The following ADAMTS18 variants were observed in gnomAD, a reference collection of about 807,000 sequenced individuals.
The protein encoded by ADAMTS18 is A disintegrin and metalloproteinase with thrombospondin motifs 18.
Under a neutral mutation model 165.9 loss-of-function variants are expected in ADAMTS18, and 157 were observed. The ratio of observed to expected loss-of-function variants is 0.95; its 90% CI spans 0.83 to 1.08. The LOEUF (loss-of-function observed/expected upper bound fraction) is 1.08. Among genes scored for constraint, ADAMTS18 ranks in the 50% least tolerant of loss-of-function variants. The pLI is 0.00. For synonymous variants in ADAMTS18, 782 were observed against 578.2 expected (o/e 1.35, Z -5.06); for missense variants, 2,040 against 1,534.0 (o/e 1.33, Z -5.51).
chr16:77,315,287 G>A (rs2055867169), intron 16 of ADAMTS18, among the ~76,000 whole-genome samples: 1 of 152,136 alleles, frequency 6.6e-6, no homozygotes, highest in African/African-American at 2.4e-5. Flanking sequence ...TTCTCTGATT[G>A]CCTCCACAGA....
In ADAMTS18 at chr16:77,322,485, A is replaced by C. The variant is rs751458018; in HGVS notation, c.2033-19T>G. 2.5e-6 allele frequency: 4 copies of C among 1,613,686 alleles called. No homozygotes were observed. The highest frequency in any genetic ancestry group is 3.4e-6 in the Non-Finnish European group (4 of 1,179,716). On this transcript the variant is annotated intron_variant, in intron 13 of 22. Coordinates refer to ENST00000282849, the MANE Select transcript of ADAMTS18 (RefSeq NM_199355.4). ...TCTTCCTCTAGAAACAAAGAGATCA[A>C]GATAGGAAATGGTCAAGAGGAAACT...
chr16:77,430,472 G>A (rs750353450), intron 3 of ADAMTS18, among the ~76,000 whole-genome samples: 7 of 152,170 alleles, frequency 4.6e-5, no homozygotes. Flanking sequence ...ATCCTCACTT[G>A]GGCTTTCTCA....
Position 77,343,186 on chromosome 16 carries a change from G to A in ADAMTS18, c.1615-1387C>T, listed in dbSNP as rs137877864. ...CTCCTGGGTTCAAGCAATTATCCCT[G>A]CCTCAGCCTCCTGAGTAACTGGGAT... On this transcript the variant is annotated intron_variant, in intron 10 of 22. Coordinates refer to ENST00000282849, the MANE Select transcript of ADAMTS18 (RefSeq NM_199355.4). Among the ~76,000 whole-genome samples, 535 of 151,182 alleles carry A rather than the reference G, an allele frequency of 3.5e-3. 6 individuals carry two copies. Among genetic ancestry groups the A allele is most frequent in the African/African-American group, 0.013 (520 of 41,228 alleles).
intron 18 of ADAMTS18, among the ~76,000 whole-genome samples, chr16:77,295,808 C>G (rs1342961796): frequency 2.0e-5 from 3 of 151,888 alleles, no homozygotes; most frequent in Non-Finnish European, 4.4e-5. Flanking sequence ...AGCTATCTGT[C>G]TGAGACTTGG....
intron 3 of ADAMTS18, among the ~76,000 whole-genome samples, chr16:77,424,730 G>C (rs2057649834): frequency 6.6e-6 from 1 of 152,190 alleles, no homozygotes. Flanking sequence ...CTTTCTTGAT[G>C]AAATGAGTAA....
At chr16:77,329,500 C>T (rs1006163750) in intron 12 of ADAMTS18, among the ~76,000 whole-genome samples, 1 of 152,174 alleles carries the variant, frequency 6.6e-6, no homozygotes, top group African/African-American at 2.4e-5. Flanking sequence ...ACAGTTGTGA[C>T]AATTAACTGA....
chr16:77,293,402 C>A (rs2055406296), intron 19 of ADAMTS18, 144 bp from the exon 20 acceptor site: 2 of 711,614 alleles, frequency 2.8e-6, no homozygotes. Context: ...ATCTACTTAA[C>A]CACCCCCATT....
At chr16:77,351,799 A>G (rs1039350873) in intron 10 of ADAMTS18, among the ~76,000 whole-genome samples, 5 of 152,022 alleles carry the variant, frequency 3.3e-5, no homozygotes, top group Non-Finnish European at 5.9e-5. Context: ...CAGTAGTGCT[A>G]TCATCCTTCA....
intron 4 of ADAMTS18, among the ~76,000 whole-genome samples, chr16:77,366,911 T>C (rs2056803196): frequency 1.3e-5 from 2 of 152,224 alleles, no homozygotes; most frequent in Admixed American, 1.3e-4. Flanking sequence ...TTAAAACTTG[T>C]GGCTATTAGA....
chr16:77,354,047 G>C (rs2056594189), intron 9 of ADAMTS18, among the ~76,000 whole-genome samples, 161 bp from the exon 10 acceptor site: 1 of 152,202 alleles, frequency 6.6e-6, no homozygotes, highest in African/African-American at 2.4e-5. Flanking sequence ...CAAAGAGTGA[G>C]TCCTGTCTAA....
intron 3 of ADAMTS18, among the ~76,000 whole-genome samples, chr16:77,414,265 G>C (rs181181412): frequency 1.1e-4 from 17 of 152,256 alleles, no homozygotes; most frequent in African/African-American, 3.9e-4. Flanking sequence ...TGCTTTCACT[G>C]TATCTGTTAG....
In ADAMTS18 at chr16:77,333,277, C is replaced by A. The variant is rs544188291; in HGVS notation, c.1859+2479G>T. ...GAGGGAAGAAAATGGCACTTTAAAA[C>A]AGTGTTTTCTCACACTAGGGCCTGT... On this transcript the variant is annotated intron_variant, in intron 12 of 22. Coordinates refer to ENST00000282849, the MANE Select transcript of ADAMTS18 (RefSeq NM_199355.4). Among the ~76,000 whole-genome samples, 5 of 152,084 alleles carry A rather than the reference C, an allele frequency of 3.3e-5. No homozygotes were observed. The South Asian group carries it at 1.0e-3, about 32-fold the overall frequency.
chr16:77,381,603 A>C (rs542575233), intron 3 of ADAMTS18, among the ~76,000 whole-genome samples: 1 of 152,184 alleles, frequency 6.6e-6, no homozygotes, highest in African/African-American at 2.4e-5. Flanking sequence ...GAAGTTCGAG[A>C]CCAGCCTGAC....
intron 3 of ADAMTS18, among the ~76,000 whole-genome samples, chr16:77,404,500 A>T (rs144822021): frequency 6.6e-6 from 1 of 152,164 alleles, no homozygotes; most frequent in East Asian, 1.9e-4. Context: ...AAGAAAGGAA[A>T]TCTTAGAAAA....
chr16:77,341,574 T>C, intron 11 of ADAMTS18, 130 bp downstream of exon 11: 3 of 766,720 alleles, frequency 3.9e-6, no homozygotes, highest in South Asian at 1.5e-5. Flanking sequence ...CTATATAATG[T>C]TGTTAATATG....
chr16:77,350,121 G>A (rs1401860449), intron 10 of ADAMTS18, among the ~76,000 whole-genome samples: 2 of 152,178 alleles, frequency 1.3e-5, no homozygotes, highest in Admixed American at 6.5e-5. Context: ...CATTTCTAAA[G>A]TGCAGAATAA....
At chr16:77,290,860 A>T (rs193256607) in intron 21 of ADAMTS18, 1 of 250,148 alleles carries the variant, frequency 4.0e-6, no homozygotes, top group East Asian at 1.1e-4. Flanking sequence ...CTTGACAAAT[A>T]TTAGCTATTA....
intron 11 of ADAMTS18, among the ~76,000 whole-genome samples, chr16:77,336,741 G>A (rs534635552): frequency 6.6e-6 from 1 of 152,284 alleles, no homozygotes. Context: ...CTCCCTAGGG[G>A]ATGCATTAGC....
chr16:77,417,487 C>T (rs1407001574), intron 3 of ADAMTS18, among the ~76,000 whole-genome samples: 3 of 152,214 alleles, frequency 2.0e-5, no homozygotes, highest in Non-Finnish European at 4.4e-5. Context: ...GTACTACTCA[C>T]TGTTAGCTGA....
Sources: gnomAD v4.1 joint callset for allele counts (sites outside exome capture counted in the v4.1 genomes callset) on GRCh38, gnomAD v4.1.1 for gene constraint, MANE v1.5 for transcripts, NCBI Gene and HGNC (gene_info 2026-07-23, HGNC 2026-07-21) for gene names.